The following HPSE2 variants were observed in gnomAD, a reference collection of about 807,000 sequenced individuals.
HPSE2 encodes inactive heparanase-2.
Under a neutral mutation model 60.5 loss-of-function variants are expected in HPSE2, and 38 were observed. The ratio of observed to expected loss-of-function variants is 0.63; its 90% CI spans 0.48 to 0.82. HPSE2 has a LOEUF of 0.82. Ranked by LOEUF, HPSE2 falls within the 40% of genes least tolerant of loss-of-function variation. The pLI, the probability that HPSE2 is intolerant of heterozygous loss-of-function variation, is 0.00. For synonymous variants in HPSE2, 295 were observed against 293.2 expected, an observed-to-expected ratio of 1.01 and a Z score of -0.06; for missense variants, 713 against 740.4, an observed-to-expected ratio of 0.96 and a Z score of 0.43.
At chr10:98,874,709 C>T (rs1298419181) in intron 3 of HPSE2, among the ~76,000 whole-genome samples, 1 of 152,020 alleles carries the variant, frequency 6.6e-6, no homozygotes, top group Non-Finnish European at 1.5e-5. Flanking sequence ...GGCAATGCTT[C>T]CAACTTTTGC....
intron 10 of HPSE2, among the ~76,000 whole-genome samples, chr10:98,487,000 G>T (rs927987706): frequency 1.3e-5 from 2 of 152,084 alleles, no homozygotes; most frequent in African/African-American, 4.8e-5. Flanking sequence ...TGAAAAACAG[G>T]AAGTCATGTT....
intron 7 of HPSE2, among the ~76,000 whole-genome samples, chr10:98,626,105 C>CAAAAAAAAAA (rs577298322): frequency 1.3e-5 from 1 of 75,522 alleles, no homozygotes; most frequent in Non-Finnish European, 2.6e-5. Context: ...GACTCCGTCT[C>CAAAAAAAAAA]AAAAAAAAAA....
chr10:98,564,878 C>T (rs868253939), intron 9 of HPSE2, among the ~76,000 whole-genome samples: 46 of 152,212 alleles, frequency 3.0e-4, no homozygotes, highest in Non-Finnish European at 4.6e-4. Context: ...AAATCTAATT[C>T]TGGGGTGACT....
chr10:99,080,106 A>G (rs891194582), intron 3 of HPSE2, among the ~76,000 whole-genome samples: 2 of 152,202 alleles, frequency 1.3e-5, no homozygotes, highest in African/African-American at 4.8e-5. Flanking sequence ...TGGATGTCTC[A>G]AAAAAGAAAC....
chr10:99,117,417 GAAAAAAAAAAAAAAAA>G (rs1157232317), intron 3 of HPSE2, among the ~76,000 whole-genome samples: 3,606 of 25,028 alleles, frequency 0.14, 134 homozygotes, highest in Non-Finnish European at 0.17. Flanking sequence ...TTGTTTTTTT[GAAAAAAAAAAAAAAAA>G]AAAAAAAAAA....
chr10:98,912,376 C>G (rs1289748419), intron 3 of HPSE2, among the ~76,000 whole-genome samples: 1 of 152,176 alleles, frequency 6.6e-6, no homozygotes. Context: ...GCTAAAGATT[C>G]TCCATTCAGG....
At chr10:98,742,487 C>G (rs1949522564) in intron 4 of HPSE2, among the ~76,000 whole-genome samples, 1 of 151,926 alleles carries the variant, frequency 6.6e-6, no homozygotes, top group Non-Finnish European at 1.5e-5. Context: ...CAATTTGCAT[C>G]AGTAATTTTA....
At chr10:98,795,761 G>T (rs1565168601) in intron 3 of HPSE2, among the ~76,000 whole-genome samples, 1 of 152,228 alleles carries the variant, frequency 6.6e-6, no homozygotes, top group South Asian at 2.1e-4. Context: ...AGCAATGAAA[G>T]TGACTCCTTC....
chr10:98,464,423 G>A (rs968456517), intron 11 of HPSE2, among the ~76,000 whole-genome samples: 2 of 152,222 alleles, frequency 1.3e-5, no homozygotes, highest in Non-Finnish European at 2.9e-5. Flanking sequence ...ATTCTGTGCG[G>A]TGCTCCCTCC....
At chr10:98,923,274 GAGCTC>G (rs1327033855) in intron 3 of HPSE2, among the ~76,000 whole-genome samples, 1 of 152,162 alleles carries the variant, frequency 6.6e-6, no homozygotes, top group Non-Finnish European at 1.5e-5. Context: ...AGACCTATTG[GAGCTC>G]CACTGTGTGT....
chr10:98,581,676 T>G (rs2133922391), intron 9 of HPSE2, among the ~76,000 whole-genome samples: 1 of 152,116 alleles, frequency 6.6e-6, no homozygotes, highest in African/African-American at 2.4e-5. Context: ...AGGGATACAT[T>G]GTGTGTAGAG....
chr10:99,174,832 G>A lies in HPSE2; in HGVS notation c.449-30433C>T, dbSNP rs184470366. 1.6e-3 allele frequency among the ~76,000 whole-genome samples: 250 copies of A among 152,284 alleles called. 1 individual carries two copies. The highest frequency in any genetic ancestry group is 5.4e-3 in the African/African-American group (225 of 41,564). On this transcript the variant is annotated intron_variant, in intron 2 of 11. Coordinates refer to ENST00000370552, the MANE Select transcript of HPSE2 (RefSeq NM_021828.5). ...AAAAGAAGAGGGAGAGAAGATGACC[G>A]AATAGAAACAGCTCCAGTCTGTAGC...
intron 10 of HPSE2, among the ~76,000 whole-genome samples, chr10:98,488,991 G>T (rs192422171): frequency 1.6e-4 from 24 of 152,230 alleles, no homozygotes; most frequent in Middle Eastern, 3.4e-3. Flanking sequence ...TCTCATCAAG[G>T]AAGCAGAAGG....
chr10:99,166,876 T>A (rs1272495268), intron 2 of HPSE2, among the ~76,000 whole-genome samples: 1 of 152,050 alleles, frequency 6.6e-6, no homozygotes, highest in Non-Finnish European at 1.5e-5. Context: ...TCACTCCTAG[T>A]CTGTGGCTTC....
At chr10:98,621,955 G>C (rs559495046) in intron 7 of HPSE2, among the ~76,000 whole-genome samples, 29 of 152,292 alleles carry the variant, frequency 1.9e-4, no homozygotes, top group African/African-American at 7.0e-4. Flanking sequence ...AATGAGGCTG[G>C]ATAAAGAAAA....
chr10:98,635,428 C>T (rs1370067730), intron 7 of HPSE2, among the ~76,000 whole-genome samples: 2 of 152,174 alleles, frequency 1.3e-5, no homozygotes, highest in African/African-American at 4.8e-5. Flanking sequence ...CCTGCACTCT[C>T]ATGCTCACTG....
intron 3 of HPSE2, among the ~76,000 whole-genome samples, chr10:99,066,978 A>G (rs1244579136): frequency 6.6e-6 from 1 of 152,250 alleles, no homozygotes; most frequent in Admixed American, 6.5e-5. Flanking sequence ...ATGAGGGTAC[A>G]GGCATTGGGT....
chr10:98,701,581 G>T (rs1170713351), intron 5 of HPSE2, among the ~76,000 whole-genome samples: 1 of 151,530 alleles, frequency 6.6e-6, no homozygotes, highest in African/African-American at 2.4e-5. Flanking sequence ...CATGGCACAT[G>T]TATACATATG....
intron 3 of HPSE2, among the ~76,000 whole-genome samples, chr10:99,110,018 C>T (rs7913227): frequency 0.011 from 1,719 of 152,144 alleles, 35 homozygotes; most frequent in African/African-American, 0.039. Flanking sequence ...AGAAATTATA[C>T]GATAGCAAAA....
Sources: gnomAD v4.1 joint callset for allele counts (sites outside exome capture counted in the v4.1 genomes callset) on GRCh38, gnomAD v4.1.1 for gene constraint, MANE v1.5 for transcripts, NCBI Gene and HGNC (gene_info 2026-07-23, HGNC 2026-07-21) for gene names.